Variants in PPP1R12B observed in about 807,000 individuals in gnomAD.
PPP1R12B encodes the protein protein phosphatase 1 regulatory subunit 12B, also known as myosin phosphatase target subunit 2.
Under a neutral mutation model 126.1 loss-of-function variants are expected in PPP1R12B, and 76 were observed. The observed-to-expected ratio is 0.60, with a 90% CI of 0.50 to 0.73. The LOEUF (loss-of-function observed/expected upper bound fraction) is 0.73, where lower values mean the gene tolerates loss of function less well. Among genes scored for constraint, PPP1R12B ranks in the 30% least tolerant of loss-of-function variants. PPP1R12B has a pLI of 0.00. For missense variants in PPP1R12B, 1,052 were observed against 1,205.1 expected (o/e 0.87, Z 1.88); for synonymous variants, 356 against 434.7 (o/e 0.82, Z 2.25).
At chr1:202,529,580 A>G (rs1683717183) in intron 18 of PPP1R12B, among the ~76,000 whole-genome samples, 1 of 152,310 alleles carries the variant, frequency 6.6e-6, no homozygotes, top group Middle Eastern at 3.4e-3. Context: ...AAACTAACAA[A>G]ATATTTTAAA....
At chr1:202,445,900 C>CT (rs976594203) in intron 12 of PPP1R12B, among the ~76,000 whole-genome samples, 1 of 151,774 alleles carries the variant, frequency 6.6e-6, no homozygotes, top group Middle Eastern at 3.4e-3. Context: ...CAAAGGGTCT[C>CT]TTTTTTTTGG....
chr1:202,560,575 A>C (rs1054753288), intron 19 of PPP1R12B, among the ~76,000 whole-genome samples: 1 of 152,168 alleles, frequency 6.6e-6, no homozygotes, highest in Non-Finnish European at 1.5e-5. Context: ...TCTCACGGCC[A>C]TCTTGGTTTT....
At chr1:202,422,476 A>G (rs1668932444) in intron 2 of PPP1R12B, 144 bp from the exon 3 acceptor site, 2 of 668,510 alleles carry the variant, frequency 3.0e-6, no homozygotes, top group Admixed American at 2.6e-5. Context: ...TTTAAGGCAC[A>G]TAGAAATTAA....
intron 13 of PPP1R12B, among the ~76,000 whole-genome samples, chr1:202,467,748 A>T (rs1325573638): frequency 6.6e-6 from 1 of 152,190 alleles, no homozygotes; most frequent in Non-Finnish European, 1.5e-5. Context: ...CAGTAATGGG[A>T]TGGCTGGGTC....
In PPP1R12B at chr1:202,437,960, G is replaced by T; in HGVS notation, c.1394G>T (p.Gly465Val). Reference protein sequence around the residue: ...ANSREPIRDRGSSIYRSSSSP... With the variant: ...ANSREPIRDRVSSIYRSSSSP... Reference sequence around the variant, plus strand: ...TCCAGGGAACCTATAAGGGACCGAGGCTCTTCCATCTATCGCTCCTCTTCA... The same window carrying T: ...TCCAGGGAACCTATAAGGGACCGAGTCTCTTCCATCTATCGCTCCTCTTCA... Residue 465 changes from glycine to valine, a missense_variant, in exon 10 of 24, where the codon GGC (glycine) becomes GTC (valine). By Grantham distance (109) the Gly-to-Val change is moderately radical. Coordinates refer to ENST00000608999, the MANE Select transcript of PPP1R12B (RefSeq NM_002481.4). 1 of 1,614,118 alleles carries T rather than the reference G, an allele frequency of 6.2e-7. No individual in the cohort carries two copies. Among genetic ancestry groups the T allele is most frequent in the Non-Finnish European group, 8.5e-7 (1 of 1,180,020 alleles).
chr1:202,411,925 AAAGT>A (rs1667445182), intron 1 of PPP1R12B, among the ~76,000 whole-genome samples: 1 of 152,162 alleles, frequency 6.6e-6, no homozygotes, highest in Non-Finnish European at 1.5e-5. Flanking sequence ...TCGGCCTCTC[AAAGT>A]GCTGGGACTA....
At chr1:202,362,660 T>G (rs1161954050) in intron 1 of PPP1R12B, among the ~76,000 whole-genome samples, 6 of 138,542 alleles carry the variant, frequency 4.3e-5, no homozygotes, top group African/African-American at 9.0e-5. Flanking sequence ...AGGGTTTTTG[T>G]TTTTTTTTTT....
chr1:202,525,740 GC>G (rs949366901), intron 18 of PPP1R12B, among the ~76,000 whole-genome samples: 6 of 151,986 alleles, frequency 3.9e-5, no homozygotes, highest in African/African-American at 1.4e-4. Context: ...TGTTGCCCAG[GC>G]TGGAGTGGTG....
intron 18 of PPP1R12B, among the ~76,000 whole-genome samples, chr1:202,524,181 A>G (rs1323186782): frequency 6.6e-6 from 1 of 152,148 alleles, no homozygotes; most frequent in Non-Finnish European, 1.5e-5. Context: ...GATTCTGGAT[A>G]TATTTGAAGG....
chr1:202,501,833 T>C, intron 18 of PPP1R12B: 1 of 982,322 alleles, frequency 1.0e-6, no homozygotes, highest in Non-Finnish European at 1.2e-6. Flanking sequence ...CTATTCCTTA[T>C]TCATCCATTT....
At chr1:202,435,734 A>G (rs1670720498) in intron 9 of PPP1R12B, among the ~76,000 whole-genome samples, 1 of 152,186 alleles carries the variant, frequency 6.6e-6, no homozygotes, top group African/African-American at 2.4e-5. Context: ...ATAGGTATGA[A>G]CTTAATGATC....
intron 18 of PPP1R12B, among the ~76,000 whole-genome samples, chr1:202,530,910 G>A (rs1168599848): frequency 6.6e-6 from 1 of 152,160 alleles, no homozygotes; most frequent in Non-Finnish European, 1.5e-5. Context: ...TCTCTGTTCT[G>A]CATTTTCTTA....
At chr1:202,560,101 A>C (rs1325769024) in intron 19 of PPP1R12B, among the ~76,000 whole-genome samples, 1 of 152,240 alleles carries the variant, frequency 6.6e-6, no homozygotes, top group Non-Finnish European at 1.5e-5. Flanking sequence ...TGTTTGAGCA[A>C]TTATATCCTT....
chr1:202,381,112 C>T (rs1662185308), intron 1 of PPP1R12B, among the ~76,000 whole-genome samples: 2 of 152,206 alleles, frequency 1.3e-5, no homozygotes, highest in South Asian at 4.1e-4. Flanking sequence ...TGCACACACA[C>T]ATTCCATACA....
chr1:202,491,412 G>A (rs1678870739), intron 14 of PPP1R12B, among the ~76,000 whole-genome samples: 1 of 152,084 alleles, frequency 6.6e-6, no homozygotes, highest in Non-Finnish European at 1.5e-5. Context: ...GCCTTTCAAG[G>A]TGCTGAGATT....
At chr1:202,470,889 G>A (rs1675773196) in intron 13 of PPP1R12B, among the ~76,000 whole-genome samples, 1 of 146,842 alleles carries the variant, frequency 6.8e-6, no homozygotes, top group Non-Finnish European at 1.5e-5. Flanking sequence ...CTGGGTGGCA[G>A]AGCAAGACCT....
chr1:202,387,532 G>T (rs941332435), intron 1 of PPP1R12B, among the ~76,000 whole-genome samples: 2 of 152,098 alleles, frequency 1.3e-5, no homozygotes, highest in African/African-American at 2.4e-5. Context: ...ACTTAAATGT[G>T]CCGGCTAGCT....
chr1:202,393,384 G>A lies in PPP1R12B; in HGVS notation c.292-23403G>A, dbSNP rs1005977734. 9.9e-5 allele frequency among the ~76,000 whole-genome samples: 15 copies of A among 151,056 alleles called. 1 individual carries two copies. Among genetic ancestry groups the A allele is most frequent in the East Asian group, 1.9e-4 (1 of 5,162 alleles). On this transcript the variant is annotated intron_variant, in intron 1 of 23. Transcript: ENST00000608999. ...ATTGTTAATTAGCAAAACGCAAATC[G>A]AAACAGTGTTTTTTTTTTTCAGTTC...
At chr1:202,406,444 C>T (rs1376920323) in intron 1 of PPP1R12B, among the ~76,000 whole-genome samples, 3 of 152,174 alleles carry the variant, frequency 2.0e-5, no homozygotes, top group African/African-American at 7.2e-5. Context: ...TCAGTTTACA[C>T]TGTATATACT....
Sources: allele counts gnomAD v4.1 joint callset (sites outside exome capture counted in the v4.1 genomes callset), GRCh38; gene constraint gnomAD v4.1.1; transcripts MANE v1.5; gene names NCBI Gene and HGNC (gene_info 2026-07-23, HGNC 2026-07-21).